Variants in SGO1 observed in about 807,000 individuals in gnomAD.
SGO1 encodes the protein shugoshin 1, also known as serologically defined breast cancer antigen NY-BR-85.
SGO1 carries 39 observed loss-of-function variants against 50.5 expected under a neutral mutation model. The ratio of observed to expected loss-of-function variants is 0.77; its 90% confidence interval spans 0.60 to 1.01. The LOEUF is 1.01. SGO1 is among the 50% of genes least tolerant of loss of function. The pLI, the probability that SGO1 is intolerant of heterozygous loss-of-function variation, is 0.00. For missense variants in SGO1, 638 were observed against 606.0 expected, an observed-to-expected ratio of 1.05 and a Z score of -0.55; for synonymous variants, 191 against 205.1, an observed-to-expected ratio of 0.93 and a Z score of 0.59.
intron 6 of SGO1, among the ~76,000 whole-genome samples, chr3:20,172,792 T>TAAAAAAA (rs60411282): frequency 1.0e-5 from 1 of 98,908 alleles, no homozygotes; most frequent in Non-Finnish European, 2.0e-5. Flanking sequence ...TCACAAAAAG[T>TAAAAAAA]AAAAAAAAAA....
chr3:20,182,533 G>T (rs138203841), intron 3 of SGO1, among the ~76,000 whole-genome samples: 2 of 152,196 alleles, frequency 1.3e-5, no homozygotes, highest in African/African-American at 2.4e-5. Context: ...CTGGAAAAAG[G>T]GAAAAATAAA....
At chr3:20,178,865 G>A (rs987442001) in intron 3 of SGO1, among the ~76,000 whole-genome samples, 1 of 152,188 alleles carries the variant, frequency 6.6e-6, no homozygotes, top group East Asian at 1.9e-4. Context: ...AGAGCCATGA[G>A]TTTAGATTTT....
intron 8 of SGO1, among the ~76,000 whole-genome samples, chr3:20,162,737 A>G (rs1209599158): frequency 2.0e-5 from 3 of 151,652 alleles, no homozygotes; most frequent in Admixed American, 2.0e-4. Flanking sequence ...TAAAACATGA[A>G]CACAATAAAG....
chr3:20,174,783 T>C lies in SGO1; in HGVS notation c.748A>G (p.Lys250Glu). The C allele has an allele frequency of 1.2e-6, 2 of 1,614,134 alleles. No individual in the cohort carries two copies. Among genetic ancestry groups the C allele is most frequent in the Non-Finnish European group, 1.7e-6 (2 of 1,180,018 alleles). The change falls in exon 6 of 8, where the codon AAG becomes GAG. Residue 250 changes from lysine to glutamate, a missense_variant. Physicochemically the swap from Lys to Glu is moderately conservative, Grantham distance 56 (BLOSUM62 1). Coordinates refer to ENST00000412997, the MANE Select transcript of SGO1 (RefSeq NM_001199251.3). ...TTTGGTGATAAGTTAACTTGGTCCT[T>C]GCTCCATTGACAAGCATTGTGTTGT... is the stretch of plus-strand genomic sequence containing the variant. ...NVQHNACQWS[K>E]DQVNLSPKLI... is the part of the protein sequence containing the mutation.
upstream of SGO1, among the ~76,000 whole-genome samples, chr3:20,186,856 A>G (rs1451257487): frequency 2.6e-5 from 4 of 151,868 alleles, no homozygotes; most frequent in Non-Finnish European, 5.9e-5. Context: ...GATCTTCTCA[A>G]CTCTGCTTTC....
downstream of SGO1, chr3:20,168,882 C>G (rs1299850851): frequency 1.1e-6 from 1 of 932,614 alleles, no homozygotes; most frequent in African/African-American, 1.8e-5. Flanking sequence ...ATCTGCCCGC[C>G]TTGGCCTCCC....
In SGO1 at chr3:20,174,512, TC is replaced by T; in HGVS notation, c.1018del (p.Glu340LysfsTer13). On this transcript the variant is annotated frameshift_variant, in exon 6 of 8. Transcript: ENST00000412997. LOFTEE classifies it high-confidence loss of function. ...SSNDAYNFNL[E>X]EGVHLTPFRQ... The stretch of plus-strand genomic sequence containing the variant: ...GAAAGGAGTAAGATGAACACCCTCT[TC>T]CAAATTAAAATTGTAAGCATCATTG... 1 of 1,614,156 alleles carries T rather than the reference TC, an allele frequency of 6.2e-7. No individual in the cohort carries two copies. Among genetic ancestry groups the T allele is most frequent in the Non-Finnish European group, 8.5e-7 (1 of 1,180,026 alleles).
downstream of SGO1, chr3:20,169,288 T>C (rs552524951): frequency 3.7e-5 from 36 of 984,948 alleles, no homozygotes; most frequent in African/African-American, 6.1e-4. Flanking sequence ...AGTGTTAGGT[T>C]GAAAGTATGG....
downstream of SGO1, among the ~76,000 whole-genome samples, chr3:20,166,415 A>C (rs1279143142): frequency 6.6e-6 from 1 of 152,198 alleles, no homozygotes; most frequent in East Asian, 1.9e-4. Context: ...AAAAGGAATA[A>C]AATTTTGATA....
downstream of SGO1, among the ~76,000 whole-genome samples, chr3:20,165,223 A>C (rs1371258158): frequency 6.6e-6 from 1 of 152,190 alleles, no homozygotes; most frequent in African/African-American, 2.4e-5. Flanking sequence ...GAGAAGTGGC[A>C]CTAGGCTCTT....
rs1024957693 is a variant in SGO1, at chr3:20,170,426, T to A, written c.*278A>T. ...AAAAAAAAAAAAGATATATTTCGAC[T>A]AAAATTAAGAGGTTTAGGCAGCATA... On this transcript the variant is annotated 3_prime_UTR_variant, in exon 8 of 8. Transcript: ENST00000412997. The A allele has an allele frequency of 1.1e-5, 11 of 1,002,120 alleles. No individual in the cohort carries two copies. The highest frequency in any genetic ancestry group is 1.3e-5 in the Non-Finnish European group (11 of 839,196). 62.1% of individuals were successfully genotyped at this position (1,002,120 alleles called of 1,614,324 possible). A position where few individuals can be genotyped will look rare whatever the true frequency, so the allele number is the denominator to read the frequency against.
chr3:20,170,044 G>A lies in SGO1; in HGVS notation c.*660C>T. The A allele has an allele frequency of 1.0e-6, 1 of 984,988 alleles. No individual in the cohort carries two copies. The highest frequency in any genetic ancestry group is 1.2e-6 in the Non-Finnish European group (1 of 829,544). 61.0% of individuals were successfully genotyped at this position (984,988 alleles called of 1,614,324 possible). On this transcript the variant is annotated 3_prime_UTR_variant, in exon 8 of 8. Transcript: ENST00000412997. The stretch of plus-strand genomic sequence containing the variant: ...CCCTACTTAAGGGAAAAATAGAGAT[G>A]CCAGAAGCTTATAATTAAAAGATCT...
At chr3:20,166,842 C>CAAAAAA (rs58288144), downstream of SGO1, among the ~76,000 whole-genome samples, 6 of 42,750 alleles carry the variant, frequency 1.4e-4, no homozygotes, top group Non-Finnish European at 2.1e-4. Flanking sequence ...CCATCTCTAC[C>CAAAAAA]AAAAAAAAAA....
At chr3:20,179,591 ATTTTTAT>A (rs1291543855) in intron 3 of SGO1, among the ~76,000 whole-genome samples, 1 of 151,980 alleles carries the variant, frequency 6.6e-6, no homozygotes, top group Non-Finnish European at 1.5e-5. Flanking sequence ...CAACTGGCTA[ATTTTTAT>A]TTTTTATTTT....
chr3:20,176,656 T>C lies in SGO1; in HGVS notation c.420A>G (p.Gln140=), dbSNP rs769208840. 1.3e-6 allele frequency: 2 copies of C among 1,569,818 alleles called. No homozygotes were observed. Among genetic ancestry groups the C allele is most frequent in the African/African-American group, 1.4e-5 (1 of 72,956 alleles). The change falls in exon 5 of 8, where the codon CAA becomes CAG. Residue 140 remains glutamine (Q), a synonymous_variant. Coordinates refer to ENST00000412997, the MANE Select transcript of SGO1 (RefSeq NM_001199251.3). ...SRNLFVKDLP[Q]IPLEETELPG... ...GAAGTTCAGTTTCTTCAAGAGGAAT[T>C]TGCCTTAGAAAATACCAATGAAAAA... is the stretch of plus-strand genomic sequence containing the variant.
At position 20,169,934 on chromosome 3, in the gene SGO1, A is replaced by C; in HGVS notation, c.*770T>G. 1 of 983,654 alleles carries C rather than the reference A, an allele frequency of 1.0e-6. No individual in the cohort carries two copies. Among genetic ancestry groups the C allele is most frequent in the Non-Finnish European group, 1.2e-6 (1 of 828,272 alleles). 60.9% of individuals were successfully genotyped at this position (983,654 alleles called of 1,614,324 possible). On this transcript the variant is annotated 3_prime_UTR_variant, in exon 8 of 8. Coordinates refer to ENST00000412997, the MANE Select transcript of SGO1 (RefSeq NM_001199251.3). ...TACTCGAATACTACACAGAGTTTCA[A>C]AAGATCCACAATAATTTATTTTACT...
chr3:20,171,109 G>A lies in SGO1; in HGVS notation c.1406C>T (p.Pro469Leu), dbSNP rs1700682628. ...SLSPKKNKAS[P>L]AVALPKRRCT... ...CCTACGTTTAGGCAGAGCCACTGCT[G>A]GGCTTGCTTTATTCTTTTTTGGAGA... The change falls in exon 7 of 8, where the codon CCA (proline) becomes CTA (leucine). Residue 469 changes from proline (P) to leucine (L), a missense_variant. Physicochemically the swap from Pro to Leu is moderately conservative, Grantham distance 98 (BLOSUM62 -3). Coordinates refer to ENST00000412997, the MANE Select transcript of SGO1 (RefSeq NM_001199251.3). 6.2e-7 allele frequency: 1 copy of A among 1,613,172 alleles called. No individual in the cohort carries two copies. Among genetic ancestry groups the A allele is most frequent in the Non-Finnish European group, 8.5e-7 (1 of 1,179,748 alleles).
At chr3:20,177,877 T>TTTTATTTATTTATTTATTTATTTA (rs10662477) in intron 4 of SGO1, among the ~76,000 whole-genome samples, 2 of 151,050 alleles carry the variant, frequency 1.3e-5, no homozygotes, top group Admixed American at 1.3e-4. Context: ...AAATATGATA[T>TTTTATTTATTTATTTATTTATTTA]TTTATTTATT....
chr3:20,163,046 T>C (rs1187788187), intron 8 of SGO1, among the ~76,000 whole-genome samples: 1 of 152,090 alleles, frequency 6.6e-6, no homozygotes, highest in Non-Finnish European at 1.5e-5. Flanking sequence ...GAAGTCTTAA[T>C]TCATAGTACC....
Sources: allele counts gnomAD v4.1 joint callset (sites outside exome capture counted in the v4.1 genomes callset), GRCh38; gene constraint gnomAD v4.1.1; transcripts MANE v1.5; gene names NCBI Gene and HGNC (gene_info 2026-07-23, HGNC 2026-07-21).